The following FER variants were observed in gnomAD, a reference collection of about 807,000 sequenced individuals.
FER encodes FER tyrosine kinase.
Under a neutral mutation model 111.0 loss-of-function variants are expected in FER, and 63 were observed. The observed-to-expected ratio is 0.57, with a 90% CI of 0.46 to 0.70. The LOEUF (loss-of-function observed/expected upper bound fraction) is 0.70. Among genes scored for constraint, FER ranks in the 30% least tolerant of loss-of-function variants. The pLI, the probability that FER is intolerant of heterozygous loss-of-function variation, is 0.00. For synonymous variants in FER, 327 were observed against 313.9 expected (o/e 1.04, Z -0.44); for missense variants, 914 against 954.0 (o/e 0.96, Z 0.55).
chr5:108,902,441 A>C (rs571419271), intron 10 of FER, among the ~76,000 whole-genome samples: 1 of 152,114 alleles, frequency 6.6e-6, no homozygotes, highest in East Asian at 1.9e-4. Flanking sequence ...TACCATGGAG[A>C]AGTGAGTTGC....
intron 17 of FER, among the ~76,000 whole-genome samples, chr5:109,161,528 C>G (rs1444814023): frequency 6.6e-6 from 1 of 152,004 alleles, no homozygotes; most frequent in African/African-American, 2.4e-5. Flanking sequence ...GTTTTCTCTT[C>G]CTGCATTAGT....
chr5:108,936,628 A>G (rs928991718), intron 10 of FER, among the ~76,000 whole-genome samples: 1 of 152,062 alleles, frequency 6.6e-6, no homozygotes. Flanking sequence ...TTTCTAACTT[A>G]CATTCATATT....
chr5:108,961,691 T>A (rs928904570), intron 13 of FER, among the ~76,000 whole-genome samples: 1 of 152,186 alleles, frequency 6.6e-6, no homozygotes, highest in African/African-American at 2.4e-5. Context: ...ATTTAAAGGT[T>A]CATGTTGCTC....
intron 17 of FER, among the ~76,000 whole-genome samples, chr5:109,128,151 T>C (rs1751953338): frequency 6.6e-6 from 1 of 152,148 alleles, no homozygotes. Context: ...AAAAGAAATA[T>C]ATTTTCCTAC....
intron 13 of FER, among the ~76,000 whole-genome samples, chr5:109,006,841 T>TA (rs1380637059): frequency 5.3e-5 from 8 of 152,278 alleles, no homozygotes; most frequent in Non-Finnish European, 1.2e-4. Context: ...AAAAAAATCT[T>TA]ACCTGCCTCA....
chr5:108,938,067 C>G (rs1561647748), intron 10 of FER, among the ~76,000 whole-genome samples: 1 of 131,740 alleles, frequency 7.6e-6, no homozygotes, highest in Non-Finnish European at 1.7e-5. Flanking sequence ...CACACACACA[C>G]ACACGTAAAA....
intron 3 of FER, among the ~76,000 whole-genome samples, chr5:108,811,447 T>C (rs541620150): frequency 6.6e-6 from 1 of 152,346 alleles, no homozygotes; most frequent in Admixed American, 6.5e-5. Flanking sequence ...TGAATACTTG[T>C]TTCATGGCCC....
chr5:109,162,778 T>G (rs2126748979), intron 17 of FER, among the ~76,000 whole-genome samples: 1 of 152,242 alleles, frequency 6.6e-6, no homozygotes, highest in Middle Eastern at 3.4e-3. Flanking sequence ...AGATATTTAC[T>G]CAGGAAAAAT....
At chr5:108,854,325 C>A (rs1762797458) in intron 5 of FER, among the ~76,000 whole-genome samples, 1 of 152,106 alleles carries the variant, frequency 6.6e-6, no homozygotes, top group South Asian at 2.1e-4. Context: ...GAGTGTACGA[C>A]CATTATACTT....
intron 17 of FER, among the ~76,000 whole-genome samples, chr5:109,161,499 C>T (rs117215719): frequency 0.016 from 2,402 of 151,970 alleles, 146 homozygotes; most frequent in Admixed American, 0.11. Context: ...CACTTATAAG[C>T]GAGAATATGT....
chr5:109,077,458 T>A (rs1049084448), intron 16 of FER, among the ~76,000 whole-genome samples: 1 of 152,208 alleles, frequency 6.6e-6, no homozygotes, highest in Non-Finnish European at 1.5e-5. Context: ...TTTAAAATAA[T>A]ATACATATCT....
chr5:108,871,569 C>A, intron 7 of FER, 67 bp downstream of exon 7: 2 of 1,185,052 alleles, frequency 1.7e-6, no homozygotes, highest in South Asian at 2.1e-5. Flanking sequence ...CAATAGTTAA[C>A]CACAGATAAA....
chr5:108,828,776 C>A (rs536145557), intron 3 of FER, among the ~76,000 whole-genome samples: 90 of 152,210 alleles, frequency 5.9e-4, no homozygotes, highest in African/African-American at 2.1e-3. Context: ...CTTCAAGTGG[C>A]CGACAATATT....
At chr5:108,901,154 T>C (rs960361460) in intron 10 of FER, among the ~76,000 whole-genome samples, 2 of 146,870 alleles carry the variant, frequency 1.4e-5, no homozygotes, top group Non-Finnish European at 3.0e-5. Flanking sequence ...CATCTTGGAA[T>C]TGGAGATTGG....
intron 9 of FER, among the ~76,000 whole-genome samples, chr5:108,895,300 T>C (rs1487289950): frequency 1.3e-5 from 2 of 152,208 alleles, no homozygotes; most frequent in African/African-American, 2.4e-5. Flanking sequence ...CTATCAGGGT[T>C]TGTATTACTT....
At chr5:109,039,575 T>C (rs569280554) in intron 14 of FER, among the ~76,000 whole-genome samples, 1 of 152,238 alleles carries the variant, frequency 6.6e-6, no homozygotes, top group East Asian at 1.9e-4. Context: ...TAAACCTTAT[T>C]ATGTTTACTT....
intron 9 of FER, among the ~76,000 whole-genome samples, chr5:108,895,792 AAG>A (rs1163081652): frequency 1.3e-5 from 2 of 152,208 alleles, no homozygotes; most frequent in African/African-American, 2.4e-5. Context: ...CCATAGGTTT[AAG>A]AGAGTAAAAT....
chr5:108,792,462 C>T lies in FER; in HGVS notation c.-59-5662C>T, dbSNP rs138024783. On this transcript the variant is annotated intron_variant, in intron 2 of 19. Transcript: ENST00000281092. Reference sequence around the variant, plus strand: ...TAAGTGATTCACCTGCCTCAGCCTCCGAGTAGCTGGGATTACAGGCATGCG... The same window carrying T: ...TAAGTGATTCACCTGCCTCAGCCTCTGAGTAGCTGGGATTACAGGCATGCG... Among the ~76,000 whole-genome samples, 408 of 152,196 alleles carry T rather than the reference C, an allele frequency of 2.7e-3. 1 individual carries two copies. The highest frequency in any genetic ancestry group is 9.4e-3 in the African/African-American group (390 of 41,520).
At chr5:108,864,889 T>G (rs10051323) in intron 5 of FER, among the ~76,000 whole-genome samples, 43,857 of 150,994 alleles carry the variant, frequency 0.29, 6,676 homozygotes, top group African/African-American at 0.35. Flanking sequence ...TTCCAATTCT[T>G]TGAAGAAAGT....
Sources: allele counts gnomAD v4.1 joint callset (sites outside exome capture counted in the v4.1 genomes callset), GRCh38; gene constraint gnomAD v4.1.1; transcripts MANE v1.5; gene names NCBI Gene and HGNC (gene_info 2026-07-23, HGNC 2026-07-21).